The following PTPRG variants were observed in gnomAD, a reference collection of about 807,000 sequenced individuals.
PTPRG encodes receptor-type tyrosine-protein phosphatase gamma.
Under a neutral mutation model 165.3 loss-of-function variants are expected in PTPRG, and 102 were observed. The ratio of observed to expected loss-of-function variants is 0.62; its 90% CI spans 0.53 to 0.73. The LOEUF is 0.73. PTPRG is among the 30% of genes least tolerant of loss of function. The pLI is 0.00. For missense variants in PTPRG, 1,866 were observed against 1,861.4 expected (o/e 1.00, Z -0.05); for synonymous variants, 675 against 669.5 (o/e 1.01, Z -0.13).
At chr3:62,085,779 C>A (rs571928558) in intron 5 of PTPRG, among the ~76,000 whole-genome samples, 3 of 152,258 alleles carry the variant, frequency 2.0e-5, no homozygotes, top group African/African-American at 7.2e-5. Flanking sequence ...TTCTTGCATT[C>A]ATTTGCTAAC....
chr3:61,962,830 T>C (rs1436999792), intron 2 of PTPRG, among the ~76,000 whole-genome samples: 1 of 152,196 alleles, frequency 6.6e-6, no homozygotes, highest in Non-Finnish European at 1.5e-5. Context: ...TATTCCGCTT[T>C]GGAGAAGGAA....
chr3:62,071,293 A>C (rs1051538436), intron 4 of PTPRG, among the ~76,000 whole-genome samples: 22 of 152,148 alleles, frequency 1.4e-4, no homozygotes, highest in African/African-American at 5.3e-4. Flanking sequence ...TAAAACGTAG[A>C]GCTTTCTAAA....
intron 1 of PTPRG, among the ~76,000 whole-genome samples, chr3:61,647,077 C>T (rs1484680161): frequency 1.3e-5 from 2 of 152,148 alleles, no homozygotes; most frequent in Non-Finnish European, 2.9e-5. Context: ...CATTTGTGTA[C>T]ATAGTTTTTG....
chr3:62,144,973 G>A (rs981404905), intron 6 of PTPRG, among the ~76,000 whole-genome samples: 2 of 151,870 alleles, frequency 1.3e-5, no homozygotes, highest in Admixed American at 6.6e-5. Flanking sequence ...GGGAAATGCC[G>A]TTTTCCTGCT....
intron 1 of PTPRG, among the ~76,000 whole-genome samples, chr3:61,600,789 C>A (rs922944954): frequency 2.0e-5 from 3 of 152,170 alleles, no homozygotes; most frequent in African/African-American, 7.2e-5. Context: ...AGTCCTGCTA[C>A]CTCGGTGTCC....
At chr3:61,602,058 C>T (rs1170406610) in intron 1 of PTPRG, among the ~76,000 whole-genome samples, 1 of 152,118 alleles carries the variant, frequency 6.6e-6, no homozygotes, top group Non-Finnish European at 1.5e-5. Context: ...CTGTGGGTGG[C>T]TTTATGCAAG....
intron 12 of PTPRG, among the ~76,000 whole-genome samples, chr3:62,216,566 T>C (rs1576146959): frequency 7.2e-6 from 1 of 138,916 alleles, no homozygotes; most frequent in Non-Finnish European, 1.6e-5. Context: ...AGCCAGATAA[T>C]TGCCTGGCTG....
intron 2 of PTPRG, among the ~76,000 whole-genome samples, chr3:61,979,965 G>A (rs2040601090): frequency 6.6e-6 from 1 of 151,766 alleles, no homozygotes; most frequent in Non-Finnish European, 1.5e-5. Context: ...TATGTCAGTG[G>A]GTAGGTATAC....
chr3:62,225,330 T>C (rs1036517914), intron 13 of PTPRG, among the ~76,000 whole-genome samples: 5 of 152,088 alleles, frequency 3.3e-5, no homozygotes, highest in Non-Finnish European at 7.4e-5. Flanking sequence ...TTTGGAAGGT[T>C]TCTTTTTGAT....
intron 6 of PTPRG, among the ~76,000 whole-genome samples, chr3:62,151,812 C>G (rs1331673175): frequency 6.6e-6 from 1 of 152,032 alleles, no homozygotes; most frequent in Non-Finnish European, 1.5e-5. Flanking sequence ...CCTTTTATAG[C>G]AAGACTTATT....
intron 1 of PTPRG, among the ~76,000 whole-genome samples, chr3:61,721,774 A>G (rs973962550): frequency 1.3e-5 from 2 of 152,154 alleles, no homozygotes; most frequent in Non-Finnish European, 2.9e-5. Context: ...GTAAGGGAAG[A>G]CCCAACTCAG....
chr3:61,941,796 C>G (rs1461082038), intron 2 of PTPRG, among the ~76,000 whole-genome samples: 1 of 151,878 alleles, frequency 6.6e-6, no homozygotes, highest in Non-Finnish European at 1.5e-5. Context: ...TTGGCTTATG[C>G]TTTGTTTATA....
intron 2 of PTPRG, among the ~76,000 whole-genome samples, chr3:61,772,614 C>T (rs1363391306): frequency 1.3e-5 from 2 of 152,034 alleles, no homozygotes; most frequent in Non-Finnish European, 2.9e-5. Context: ...ACATCATTCT[C>T]TTCACAATGT....
intron 1 of PTPRG, among the ~76,000 whole-genome samples, chr3:61,574,174 A>C (rs1034685322): frequency 1.3e-5 from 2 of 152,190 alleles, no homozygotes; most frequent in African/African-American, 4.8e-5. Context: ...ACAGTGAATG[A>C]GGTATGCAGA....
At chr3:62,050,061 GTC>G (rs1342126279) in intron 4 of PTPRG, among the ~76,000 whole-genome samples, 1 of 152,156 alleles carries the variant, frequency 6.6e-6, no homozygotes, top group Non-Finnish European at 1.5e-5. Context: ...AAAGGATAGT[GTC>G]TCTGAGTAGA....
intron 4 of PTPRG, among the ~76,000 whole-genome samples, chr3:62,069,039 T>G (rs562188367): frequency 6.6e-6 from 1 of 152,340 alleles, no homozygotes; most frequent in African/African-American, 2.4e-5. Context: ...CACACTGGTT[T>G]CTTTGCCACA....
intron 1 of PTPRG, among the ~76,000 whole-genome samples, chr3:61,567,199 C>T (rs1305778749): frequency 6.6e-6 from 1 of 152,092 alleles, no homozygotes; most frequent in Non-Finnish European, 1.5e-5. Flanking sequence ...CCAAGGAGTA[C>T]ACTGCTCCCC....
intron 4 of PTPRG, 148 bp downstream of exon 4, chr3:62,003,645 C>A: frequency 1.0e-6 from 1 of 985,120 alleles, no homozygotes. Context: ...CATAGTATGG[C>A]AGGTGGGTAT....
chr3:62,037,446 A>C (rs60859744), intron 4 of PTPRG, among the ~76,000 whole-genome samples: 1 of 152,314 alleles, frequency 6.6e-6, no homozygotes, highest in African/African-American at 2.4e-5. Context: ...AACAGATGCC[A>C]GTAGCAGGTA....
Sources: gnomAD v4.1 joint callset for allele counts (sites outside exome capture counted in the v4.1 genomes callset) on GRCh38, gnomAD v4.1.1 for gene constraint, MANE v1.5 for transcripts, NCBI Gene and HGNC (gene_info 2026-07-23, HGNC 2026-07-21) for gene names.